The following MAPK8IP2 variants were observed in gnomAD, a reference collection of about 807,000 sequenced individuals.
The protein encoded by MAPK8IP2 is mitogen-activated protein kinase 8 interacting protein 2.
MAPK8IP2 carries 15 observed loss-of-function variants against 75.6 expected under a neutral mutation model. That is an observed-to-expected ratio of 0.20 (90% CI 0.13 to 0.31). The LOEUF is 0.31. MAPK8IP2 is among the 10% of genes least tolerant of loss of function. MAPK8IP2 has a pLI of 1.00. For missense variants in MAPK8IP2, 1,089 were observed against 1,211.2 expected (o/e 0.90, Z 1.50); for synonymous variants, 632 against 554.5 (o/e 1.14, Z -1.96).
At chr22:50,608,326 G>A (rs1335288220) in intron 10 of MAPK8IP2, among the ~76,000 whole-genome samples, 1 of 149,730 alleles carries the variant, frequency 6.7e-6, no homozygotes, top group East Asian at 2.1e-4. Context: ...AGGTGGGACA[G>A]CGGGCAGGGG....
chr22:50,603,111 G>T (rs2070963458), intron 2 of MAPK8IP2, 112 bp from the exon 3 acceptor site: 3 of 1,586,198 alleles, frequency 1.9e-6, no homozygotes, highest in Non-Finnish European at 2.6e-6. Context: ...AGAGTGAGCT[G>T]GAAGGGGCTC....
chr22:50,605,217 G>C (rs1478112715), intron 5 of MAPK8IP2, 151 bp from the exon 6 acceptor site: 1 of 1,084,042 alleles, frequency 9.2e-7, no homozygotes, highest in Non-Finnish European at 1.3e-6. Flanking sequence ...ATGGCATGAG[G>C]TGGCCTGCTC....
rs531933930 is a variant in MAPK8IP2, at chr22:50,610,589, G to A, written c.2403-118G>A. Reference sequence around the variant, plus strand: ...GGGGGTGACATGGCCATGCCTGGGTGGGGGGTTATGGATGGCTGCAGAGGG... The same window carrying A: ...GGGGGTGACATGGCCATGCCTGGGTAGGGGGTTATGGATGGCTGCAGAGGG... On this transcript the variant is annotated intron_variant, in intron 11 of 11. Coordinates refer to ENST00000329492, the MANE Select transcript of MAPK8IP2 (RefSeq NM_012324.6). This position sits in a 1 kb window ranked among gnomAD's most constrained non-coding sequence, Gnocchi z 4.3. 7.0e-5 allele frequency: 58 copies of A among 825,804 alleles called. No homozygotes were observed. In the African/African-American group the frequency reaches 9.1e-4, roughly 13 times the overall value. The allele number at this position is 825,804 out of a possible 1,614,324, so 51.2% of individuals were successfully genotyped here. A position where few individuals can be genotyped will look rare whatever the true frequency, so the allele number is the denominator to read the frequency against.
intron 5 of MAPK8IP2, 80 bp downstream of exon 5, chr22:50,605,144 G>A (rs2071026438): frequency 1.6e-5 from 25 of 1,526,618 alleles, no homozygotes; most frequent in Non-Finnish European, 2.2e-5. Flanking sequence ...GTCCCCCACA[G>A]TGCCCAGGGC....
chr22:50,609,458 G>A (rs941984171), intron 10 of MAPK8IP2, among the ~76,000 whole-genome samples: 2 of 152,172 alleles, frequency 1.3e-5, no homozygotes, highest in Non-Finnish European at 2.9e-5. Context: ...ACTTGAACGC[G>A]GCATTTGAGG....
chr22:50,603,908 T>C lies in MAPK8IP2; in HGVS notation c.609T>C (p.Gly203=). 1.3e-6 allele frequency: 2 copies of C among 1,537,352 alleles called. No homozygotes were observed. The highest frequency in any genetic ancestry group is 1.7e-6 in the Non-Finnish European group (2 of 1,145,150). Residue 203 remains glycine (G), a synonymous_variant, in exon 5 of 12, where the codon GGT becomes GGC. Transcript: ENST00000329492. ...PGGAQSPVRP[G]CDCEGNRPAE... ...GGGCGCAGTCGCCAGTGCGCCCGGG[T>C]TGCGACTGCGAAGGGAACCGGCCTG...
At position 50,610,685 on chromosome 22, in the gene MAPK8IP2, G is replaced by T. The variant is rs766972241; in HGVS notation, c.2403-22G>T. ...GTTGAGGACCGGCCCTGAGTGGCTG[G>T]TGGAGGACCGTCTTTCCCCAGCCGC... On this transcript the variant is annotated intron_variant, in intron 11 of 11. Transcript: ENST00000329492. The surrounding 1 kb of genome is among the most constrained non-coding windows in gnomAD (Gnocchi z 4.3). 137 of 1,593,582 alleles carry T rather than the reference G, an allele frequency of 8.6e-5. No individual in the cohort carries two copies. The highest frequency in any genetic ancestry group is 1.1e-4 in the Non-Finnish European group (132 of 1,171,208).
At chr22:50,601,510 G>A (rs1161131615) in intron 1 of MAPK8IP2, 1 of 403,638 alleles carries the variant, frequency 2.5e-6, no homozygotes, top group African/African-American at 2.0e-5. Flanking sequence ...CTGGAGCTGC[G>A]AGTGGAGGGA....
At chr22:50,609,784 G>T in intron 10 of MAPK8IP2, 1 of 519,282 alleles carries the variant, frequency 1.9e-6, no homozygotes, top group Non-Finnish European at 3.8e-6. Flanking sequence ...ACAGACCAGG[G>T]GTAACGTCCA....
At position 50,604,440 on chromosome 22, in the gene MAPK8IP2, G is replaced by A. The variant is rs2071004706; in HGVS notation, c.1141G>A (p.Gly381Arg). Residue 381 changes from glycine to arginine, a missense_variant, in exon 5 of 12, where the codon GGG (glycine) becomes AGG (arginine). Gly to Arg is a moderately radical substitution (Grantham distance 125). This residue lies in a region of MAPK8IP2 where 960 missense variants were observed against 1,009.6 expected (regional missense o/e 0.95). Coordinates refer to ENST00000329492, the MANE Select transcript of MAPK8IP2 (RefSeq NM_012324.6). The stretch of plus-strand genomic sequence containing the variant: ...CCTGTCTCCTGCGCCGCGCCCGCCC[G>A]GGGAGCCCGTGTCGCCGGCCGGCGG... ...QCLSPAPRPP[G>R]EPVSPAGGAA... 2 of 1,410,948 alleles carry A rather than the reference G, an allele frequency of 1.4e-6. No homozygotes were observed. The highest frequency in any genetic ancestry group is 9.2e-7 in the Non-Finnish European group (1 of 1,086,548). 87.4% of individuals were successfully genotyped at this position (1,410,948 alleles called of 1,614,324 possible).
In MAPK8IP2 at chr22:50,603,950, A is replaced by G. The variant is rs2070988687; in HGVS notation, c.651A>G (p.Pro217=). The change falls in exon 5 of 12, where the codon CCA becomes CCG. Residue 217 remains proline, a synonymous_variant. Transcript: ENST00000329492. ...EGNRPAEPPA[P]GGTSPSSDPG... ...ACCGGCCTGCGGAACCCCCTGCGCC[A>G]GGGGGGACTTCGCCCTCCTCAGATC... The G allele has an allele frequency of 1.3e-6, 2 of 1,546,472 alleles. No homozygotes were observed. The highest frequency in any genetic ancestry group is 2.7e-5 in the African/African-American group (2 of 73,070).
In MAPK8IP2 at chr22:50,601,173, C is replaced by T. The variant is rs190781671; in HGVS notation, c.65+290C>T. ...ACCTGTCAAGGGTGGAGGCCCTGGG[C>T]CGACCCTCTGCGGGGGAGGATGCGG... On this transcript the variant is annotated intron_variant, in intron 1 of 11. Coordinates refer to ENST00000329492, the MANE Select transcript of MAPK8IP2 (RefSeq NM_012324.6). The T allele has an allele frequency of 4.6e-4, 73 of 157,124 alleles. No individual in the cohort carries two copies. In the East Asian group the frequency reaches 5.1e-3, roughly 11 times the overall value. 9.7% of individuals were successfully genotyped at this position (157,124 alleles called of 1,614,324 possible).
rs1211829727 is a variant in MAPK8IP2, at chr22:50,604,014, G to T, written c.715G>T (p.Gly239Cys). 5 of 1,554,382 alleles carry T rather than the reference G, an allele frequency of 3.2e-6. No individual in the cohort carries two copies. The highest frequency in any genetic ancestry group is 3.5e-6 in the Non-Finnish European group (4 of 1,158,342). The change falls in exon 5 of 12, where the codon GGC becomes TGC. Residue 239 changes from glycine (G) to cysteine (C), a missense_variant. Physicochemically the swap from Gly to Cys is radical, Grantham distance 159. This residue lies in a region of MAPK8IP2 where 960 missense variants were observed against 1,009.6 expected (regional missense o/e 0.95). Transcript: ENST00000329492. ...TGACCTGAGAAGCCGCTCGAGCGGC[G>T]GCCGCGGGGGACGTCGCAGCAGCCA... is the stretch of plus-strand genomic sequence containing the variant. ...EADLRSRSSG[G>C]RGGRRSSQEL...
rs779046066 is a variant in MAPK8IP2 at position 50,601,795 on chromosome 22, C to T, written c.72C>T (p.Pro24=). ...HSLSPPGCRP[P]QDISLEEFDD... is the part of the protein sequence containing the mutation. ...ACCCTGGTCTCCTTTCCAGGCCTCC[C>T]CAGGACATAAGCCTGGAAGAATTTG... Residue 24 remains proline (P), a synonymous_variant, in exon 2 of 12, where the codon CCC becomes CCT. Coordinates refer to ENST00000329492, the MANE Select transcript of MAPK8IP2 (RefSeq NM_012324.6). 6.2e-7 allele frequency: 1 copy of T among 1,613,354 alleles called. No individual in the cohort carries two copies. The highest frequency in any genetic ancestry group is 8.5e-7 in the Non-Finnish European group (1 of 1,179,642).
chr22:50,610,438 T>A lies in MAPK8IP2; in HGVS notation c.2402+128T>A. On this transcript the variant is annotated intron_variant, in intron 11 of 11. Transcript: ENST00000329492. The surrounding 1 kb of genome is among the most constrained non-coding windows in gnomAD (Gnocchi z 4.3). Reference sequence around the variant, plus strand: ...GGGAAGGAGAACCAGATGTGCTGTGTAGAGAGGGCAGTGGTGGGTGACAGT... The same window carrying A: ...GGGAAGGAGAACCAGATGTGCTGTGAAGAGAGGGCAGTGGTGGGTGACAGT... 1.2e-6 allele frequency: 1 copy of A among 837,480 alleles called. No individual in the cohort carries two copies. Among genetic ancestry groups the A allele is most frequent in the Non-Finnish European group, 1.9e-6 (1 of 517,972 alleles). The allele number at this position is 837,480 out of a possible 1,614,324, so 51.9% of individuals were successfully genotyped here.
rs1439775238 is a variant in MAPK8IP2, at chr22:50,611,719, G to C, written c.*940G>C. On this transcript the variant is annotated 3_prime_UTR_variant, in exon 12 of 12. Transcript: ENST00000329492. This position sits in a 1 kb window ranked among gnomAD's most constrained non-coding sequence, Gnocchi z 5.5. ...GCGGTGCTGCTCTGGGGCCTTATCT[G>C]AGGTGCCGTATCTAGAAGCACCCTT... is the stretch of plus-strand genomic sequence containing the variant. The C allele has an allele frequency of 6.6e-6, 1 of 152,224 alleles. No homozygotes were observed. Among genetic ancestry groups the C allele is most frequent in the South Asian group, 2.1e-4 (1 of 4,836 alleles). 9.4% of individuals were successfully genotyped at this position (152,224 alleles called of 1,614,324 possible).
intron 5 of MAPK8IP2, 102 bp downstream of exon 5, chr22:50,605,166 C>A: frequency 7.1e-7 from 1 of 1,410,266 alleles, no homozygotes. Context: ...ACCTGAGGGT[C>A]TGGCTGTGGT....
intron 10 of MAPK8IP2, chr22:50,609,799 C>T (rs780596251): frequency 5.8e-6 from 3 of 519,964 alleles, no homozygotes; most frequent in East Asian, 5.4e-5. Context: ...CGTCCAGCCC[C>T]ACCTCGGAGC....
intron 5 of MAPK8IP2, 143 bp downstream of exon 5, chr22:50,605,207 ATGGCATGAGG>A: frequency 8.8e-7 from 1 of 1,142,268 alleles, no homozygotes; most frequent in South Asian, 1.4e-5. Flanking sequence ...CACCCAGGAC[ATGGCATGAGG>A]TGGCCTGCTC....
Sources: allele counts gnomAD v4.1 joint callset (sites outside exome capture counted in the v4.1 genomes callset), GRCh38; gene constraint gnomAD v4.1.1; regional missense constraint gnomAD v4.1.1; non-coding constraint Gnocchi (gnomAD v3.1); transcripts MANE v1.5; gene names NCBI Gene and HGNC (gene_info 2026-07-23, HGNC 2026-07-21).